The following MAML3 variants were observed in gnomAD, a reference collection of about 807,000 sequenced individuals.
MAML3 encodes mastermind like transcriptional coactivator 3.
A neutral mutation model predicts 101.9 loss-of-function variants in MAML3; 27 were observed. The observed-to-expected ratio is 0.27, with a 90% CI of 0.20 to 0.37. The LOEUF is 0.37. Among genes scored for constraint, MAML3 ranks in the 10% least tolerant of loss-of-function variants. The pLI, the probability that MAML3 is intolerant of heterozygous loss-of-function variation, is 1.00. For synonymous variants in MAML3, 501 were observed against 555.9 expected, an observed-to-expected ratio of 0.90 and a Z score of 1.39; for missense variants, 1,316 against 1,444.9, an observed-to-expected ratio of 0.91 and a Z score of 1.45.
chr4:139,889,213 C>A (rs149607210), intron 2 of MAML3, 144 bp downstream of exon 2: 1 of 1,485,550 alleles, frequency 6.7e-7, no homozygotes, highest in Non-Finnish European at 9.3e-7. Context: ...ACACTCCAAA[C>A]CTGGCCACTA....
At chr4:140,122,442 G>A (rs933835845) in intron 1 of MAML3, among the ~76,000 whole-genome samples, 5 of 151,954 alleles carry the variant, frequency 3.3e-5, no homozygotes, top group Non-Finnish European at 7.4e-5. Context: ...GGCTGGTATG[G>A]AACTCCTGAC....
At chr4:140,108,366 A>C (rs1241888211) in intron 1 of MAML3, among the ~76,000 whole-genome samples, 4 of 151,738 alleles carry the variant, frequency 2.6e-5, no homozygotes, top group Admixed American at 2.6e-4. Context: ...TCGTCATTTA[A>C]TGCTTCCCTG....
chr4:140,003,893 G>C (rs1218833581), intron 1 of MAML3, among the ~76,000 whole-genome samples: 2 of 152,188 alleles, frequency 1.3e-5, no homozygotes, highest in Non-Finnish European at 2.9e-5. Context: ...TTCCCACAAG[G>C]AAAGTTTCTG....
chr4:140,022,149 G>A (rs1367636544), intron 1 of MAML3, among the ~76,000 whole-genome samples: 1 of 152,170 alleles, frequency 6.6e-6, no homozygotes, highest in East Asian at 1.9e-4. Flanking sequence ...AGGAGGACCT[G>A]TTTCAAATAG....
At chr4:139,928,255 C>G (rs1279501079) in intron 1 of MAML3, among the ~76,000 whole-genome samples, 1 of 152,168 alleles carries the variant, frequency 6.6e-6, no homozygotes, top group East Asian at 1.9e-4. Context: ...AAGCTCTAAA[C>G]TCATTCATGG....
intron 1 of MAML3, among the ~76,000 whole-genome samples, chr4:140,129,640 G>A (rs549024911): frequency 3.9e-5 from 6 of 152,128 alleles, no homozygotes; most frequent in Non-Finnish European, 7.4e-5. Context: ...ATACAGCAAC[G>A]AAAAGACCCC....
intron 2 of MAML3, among the ~76,000 whole-genome samples, chr4:139,871,278 T>A (rs1006358346): frequency 2.6e-5 from 4 of 152,236 alleles, no homozygotes; most frequent in African/African-American, 9.6e-5. Flanking sequence ...AAAATAACTT[T>A]CATTACATGT....
chr4:139,965,735 C>T (rs1734117655), intron 1 of MAML3, among the ~76,000 whole-genome samples: 1 of 152,166 alleles, frequency 6.6e-6, no homozygotes, highest in Admixed American at 6.5e-5. Context: ...ACAAGTACAC[C>T]TGCTTATTAC....
At chr4:140,080,806 A>G (rs1261896870) in intron 1 of MAML3, among the ~76,000 whole-genome samples, 1 of 152,206 alleles carries the variant, frequency 6.6e-6, no homozygotes, top group African/African-American at 2.4e-5. Context: ...TTCCACTAAA[A>G]CCAACACCTG....
chr4:139,998,297 A>T (rs1347843005), intron 1 of MAML3, among the ~76,000 whole-genome samples: 4 of 152,132 alleles, frequency 2.6e-5, no homozygotes, highest in Admixed American at 2.0e-4. Flanking sequence ...AATGATTTTT[A>T]AAATTTAAAT....
intron 2 of MAML3, among the ~76,000 whole-genome samples, chr4:139,775,739 G>A (rs965685177): frequency 4.6e-5 from 7 of 152,088 alleles, no homozygotes; most frequent in South Asian, 4.1e-4. Flanking sequence ...GGTATATCAC[G>A]TCAAACTGTT....
At chr4:139,929,367 C>T (rs1015461116) in intron 1 of MAML3, among the ~76,000 whole-genome samples, 36 of 152,172 alleles carry the variant, frequency 2.4e-4, no homozygotes, top group Admixed American at 6.5e-4. Context: ...CACCACACAG[C>T]GGTATTTTCT....
intron 1 of MAML3, among the ~76,000 whole-genome samples, chr4:139,941,541 GT>G (rs1320686489): frequency 0.013 from 1,868 of 148,970 alleles, 38 homozygotes; most frequent in African/African-American, 0.043. Flanking sequence ...TGTTGTTGTT[GT>G]TGGTGGTGGT....
chr4:139,787,526 T>C (rs1367716756), intron 2 of MAML3, among the ~76,000 whole-genome samples: 1 of 152,210 alleles, frequency 6.6e-6, no homozygotes, highest in African/African-American at 2.4e-5. Context: ...TTCTAAACAA[T>C]TTTCAAGTCT....
At chr4:139,931,169 T>TA (rs958508280) in intron 1 of MAML3, among the ~76,000 whole-genome samples, 2 of 152,074 alleles carry the variant, frequency 1.3e-5, no homozygotes, top group African/African-American at 2.4e-5. Flanking sequence ...TCAAAAATTA[T>TA]AAAAAAATCT....
intron 1 of MAML3, among the ~76,000 whole-genome samples, chr4:140,094,419 T>C (rs1728116565): frequency 6.6e-6 from 1 of 152,170 alleles, no homozygotes; most frequent in Non-Finnish European, 1.5e-5. Context: ...AAAATAAAGC[T>C]AAGCAGCAGC....
chr4:140,115,256 T>C (rs1728499888), intron 1 of MAML3, among the ~76,000 whole-genome samples: 1 of 152,218 alleles, frequency 6.6e-6, no homozygotes, highest in African/African-American at 2.4e-5. Flanking sequence ...AACAATACAT[T>C]TTATTTTTAA....
intron 2 of MAML3, among the ~76,000 whole-genome samples, chr4:139,834,298 C>T (rs750284715): frequency 2.0e-5 from 3 of 152,226 alleles, no homozygotes; most frequent in Non-Finnish European, 4.4e-5. Flanking sequence ...CTTTCTTCCT[C>T]TTGCAACAAT....
intron 2 of MAML3, among the ~76,000 whole-genome samples, chr4:139,808,999 C>A: frequency 6.6e-6 from 1 of 152,176 alleles, no homozygotes; most frequent in Non-Finnish European, 1.5e-5. Context: ...TGTGACTCCC[C>A]CACTCACTCT....
Sources: allele counts gnomAD v4.1 joint callset (sites outside exome capture counted in the v4.1 genomes callset), GRCh38; gene constraint gnomAD v4.1.1; transcripts MANE v1.5; gene names NCBI Gene and HGNC (gene_info 2026-07-23, HGNC 2026-07-21).